The following LRP12 variants were observed in gnomAD, a reference collection of about 807,000 sequenced individuals.
LRP12 encodes the protein LDL receptor related protein 12, also known as low-density lipoprotein receptor-related protein 12.
A neutral mutation model predicts 66.0 loss-of-function variants in LRP12; 14 were observed. The observed-to-expected ratio is 0.21, with a 90% CI of 0.14 to 0.33. The LOEUF (loss-of-function observed/expected upper bound fraction) is 0.33, where lower values mean the gene tolerates loss of function less well. Ranked by LOEUF, LRP12 falls within the 10% of genes least tolerant of loss-of-function variation. The probability of loss-of-function intolerance (pLI) is 1.00; values close to 1 mark genes in which losing one functional copy is unlikely to be tolerated. For synonymous variants in LRP12, 357 were observed against 359.1 expected (o/e 0.99, Z 0.07); for missense variants, 889 against 1,053.4 (o/e 0.84, Z 2.16).
intron 1 of LRP12, among the ~76,000 whole-genome samples, chr8:104,546,908 T>TTA (rs1476027735): frequency 1.4e-5 from 2 of 144,230 alleles, no homozygotes; most frequent in East Asian, 2.0e-4. Flanking sequence ...ATTATATATA[T>TTA]TATATAATTA....
At chr8:104,569,286 T>C (rs1261453556) in intron 1 of LRP12, among the ~76,000 whole-genome samples, 2 of 152,148 alleles carry the variant, frequency 1.3e-5, no homozygotes, top group Non-Finnish European at 2.9e-5. Flanking sequence ...TGGGTAGTGA[T>C]TGTTAATAGG....
intron 1 of LRP12, among the ~76,000 whole-genome samples, chr8:104,569,926 A>C (rs146126980): frequency 5.3e-5 from 8 of 152,316 alleles, no homozygotes; most frequent in African/African-American, 9.6e-5. Flanking sequence ...AATCTACACA[A>C]ATACTCCTAG....
chr8:104,531,852 A>C, intron 2 of LRP12, 55 bp downstream of exon 2: 1 of 1,200,810 alleles, frequency 8.3e-7, no homozygotes, highest in Non-Finnish European at 1.2e-6. Context: ...GGTGGCTTTC[A>C]ATATTTACCA....
chr8:104,507,089 G>C (rs1451178184), intron 3 of LRP12: 1 of 151,970 alleles, frequency 6.6e-6, no homozygotes, highest in Non-Finnish European at 1.5e-5. Context: ...TCATTTGTAT[G>C]TCTAAAAGAG....
At chr8:104,583,561 A>G (rs1163296580) in intron 1 of LRP12, among the ~76,000 whole-genome samples, 1 of 152,182 alleles carries the variant, frequency 6.6e-6, no homozygotes, top group East Asian at 1.9e-4. Context: ...CTTATTCATT[A>G]GACTATAAGC....
rs758990780 is a variant in LRP12, at chr8:104,520,138, C to T, written c.137-11064G>A. Among the ~76,000 whole-genome samples, 5 of 151,764 alleles carry T rather than the reference C, an allele frequency of 3.3e-5. No homozygotes were observed. The South Asian group carries it at 8.3e-4, about 25-fold the overall frequency. On this transcript the variant is annotated intron_variant, in intron 2 of 6. Transcript: ENST00000276654. ...CTGAATATACCCACCTAAAATGGAA[C>T]TAACTAGCCAGCTTCACCCTGAAAT...
intron 3 of LRP12, among the ~76,000 whole-genome samples, chr8:104,501,466 G>A (rs1810826880): frequency 6.6e-6 from 1 of 152,100 alleles, no homozygotes; most frequent in Non-Finnish European, 1.5e-5. Flanking sequence ...TTGGGAGGCT[G>A]AGGTGGGCAG....
chr8:104,557,883 A>C (rs569441502), intron 1 of LRP12, among the ~76,000 whole-genome samples: 6 of 152,356 alleles, frequency 3.9e-5, no homozygotes, highest in African/African-American at 1.4e-4. Flanking sequence ...CTGTAAGGCT[A>C]CAGTCACCAA....
rs1812395874 is a variant in LRP12, at chr8:104,589,180, G to A, written c.-283C>T. ...GCAAGGGCAAGGAGCTCGCGCGCCAGCGCGAGACGAGAGGGTGGCGGACGC... is the reference window on the plus strand; with the variant it reads ...GCAAGGGCAAGGAGCTCGCGCGCCAACGCGAGACGAGAGGGTGGCGGACGC... On this transcript the variant is annotated 5_prime_UTR_variant, in exon 1 of 7. Transcript: ENST00000276654. 1.3e-5 allele frequency among the ~76,000 whole-genome samples: 2 copies of A among 151,512 alleles called. No homozygotes were observed. The highest frequency in any genetic ancestry group is 4.1e-4 in the South Asian group (2 of 4,824).
intron 1 of LRP12, among the ~76,000 whole-genome samples, chr8:104,562,904 C>A (rs1189386168): frequency 2.0e-5 from 3 of 152,110 alleles, no homozygotes; most frequent in African/African-American, 7.2e-5. Context: ...AATTAATGAT[C>A]TGGCATGTCT....
Position 104,522,685 on chromosome 8 carries a change from G to A in LRP12, c.136+9222C>T, listed in dbSNP as rs532876160. Among the ~76,000 whole-genome samples, 20 of 152,248 alleles carry A rather than the reference G, an allele frequency of 1.3e-4. No homozygotes were observed. The South Asian group carries it at 1.7e-3, about 13-fold the overall frequency. On this transcript the variant is annotated intron_variant, in intron 2 of 6. Coordinates refer to ENST00000276654, the MANE Select transcript of LRP12 (RefSeq NM_013437.5). ...TCCTATGTAAAAAAAGCTTCTGCCT[G>A]AGAAAGCAGCAAGCCTTAACATCTG...
chr8:104,491,802 A>T (rs6986854), intron 6 of LRP12, among the ~76,000 whole-genome samples: 4,657 of 152,242 alleles, frequency 0.031, 237 homozygotes, highest in African/African-American at 0.11. Context: ...CTTAAAAATG[A>T]TATTTAATGT....
chr8:104,539,138 G>C (rs1318936225), intron 1 of LRP12, among the ~76,000 whole-genome samples: 1 of 152,136 alleles, frequency 6.6e-6, no homozygotes, highest in Non-Finnish European at 1.5e-5. Flanking sequence ...TTTAGATTCT[G>C]ATTCATAAAC....
At chr8:104,525,838 T>C (rs182848762) in intron 2 of LRP12, among the ~76,000 whole-genome samples, 2 of 152,152 alleles carry the variant, frequency 1.3e-5, no homozygotes, top group East Asian at 1.9e-4. Flanking sequence ...CCAGGGCAAT[T>C]AGGCAGGAGA....
At chr8:104,523,345 G>C (rs1811178887) in intron 2 of LRP12, among the ~76,000 whole-genome samples, 1 of 152,012 alleles carries the variant, frequency 6.6e-6, no homozygotes, top group Non-Finnish European at 1.5e-5. Flanking sequence ...CTATTATAAA[G>C]AGTTAGAATT....
rs141775965 is a variant in LRP12 at position 104,564,749 on chromosome 8, G to A, written c.79+24070C>T. On this transcript the variant is annotated intron_variant, in intron 1 of 6. Transcript: ENST00000276654. ...AGTTTGAGGCCAGCCTTGCCAACAC[G>A]GTGAAACCCTATCTCTACCAAAAAA... is the stretch of plus-strand genomic sequence containing the variant. Among the ~76,000 whole-genome samples, 512 of 152,092 alleles carry A rather than the reference G, an allele frequency of 3.4e-3. 4 individuals are homozygous for A. The highest frequency in any genetic ancestry group is 0.011 in the African/African-American group (473 of 41,500).
At chr8:104,529,375 G>A (rs1214342147) in intron 2 of LRP12, among the ~76,000 whole-genome samples, 1 of 152,100 alleles carries the variant, frequency 6.6e-6, no homozygotes, top group African/African-American at 2.4e-5. Flanking sequence ...AGAACGGGAC[G>A]TCTTGTTATG....
intron 1 of LRP12, among the ~76,000 whole-genome samples, chr8:104,532,514 T>A (rs1160413518): frequency 6.6e-6 from 1 of 152,146 alleles, no homozygotes; most frequent in East Asian, 1.9e-4. Context: ...TCTCTTCAGA[T>A]ATTTGTCTTA....
rs953599156 is a variant in LRP12, at chr8:104,547,661, T to C, written c.80-15698A>G. On this transcript the variant is annotated intron_variant, in intron 1 of 6. Transcript: ENST00000276654. Reference sequence around the variant, plus strand: ...ATATATTAATAATTAAAATATAATATAATTCTATATTATATTTTGTATAAT... The same window carrying C: ...ATATATTAATAATTAAAATATAATACAATTCTATATTATATTTTGTATAAT... Among the ~76,000 whole-genome samples, 20 of 120,608 alleles carry C rather than the reference T, an allele frequency of 1.7e-4. No homozygotes were observed. The Admixed American group carries it at 1.7e-3, about 10-fold the overall frequency. The allele number at this position is 120,608 out of a possible 152,430, so 79.1% of individuals were successfully genotyped here.
Sources: allele counts gnomAD v4.1 joint callset (sites outside exome capture counted in the v4.1 genomes callset), GRCh38; gene constraint gnomAD v4.1.1; transcripts MANE v1.5; gene names NCBI Gene and HGNC (gene_info 2026-07-23, HGNC 2026-07-21).